SLC22A4: variants seen among roughly 807,000 people sequenced by gnomAD.
The protein encoded by SLC22A4 is ET transporter.
A neutral mutation model predicts 56.6 loss-of-function variants in SLC22A4; 39 were observed. That is an observed-to-expected ratio of 0.69 (90% confidence interval 0.53 to 0.90). The LOEUF is 0.90. Ranked by LOEUF, SLC22A4 falls within the 40% of genes least tolerant of loss-of-function variation. SLC22A4 has a pLI of 0.00. For synonymous variants in SLC22A4, 241 were observed against 281.4 expected (o/e 0.86, Z 1.44); for missense variants, 594 against 696.5 (o/e 0.85, Z 1.66).
chr5:132,319,316 AAAG>A (rs1290021157), intron 3 of SLC22A4, among the ~76,000 whole-genome samples: 5 of 145,394 alleles, frequency 3.4e-5, no homozygotes, highest in African/African-American at 5.7e-5. Context: ...AAAAAAAAAA[AAAG>A]AAAAAAAAGA....
chr5:132,312,745 C>G (rs1321153533), intron 2 of SLC22A4, among the ~76,000 whole-genome samples: 2 of 152,342 alleles, frequency 1.3e-5, no homozygotes, highest in South Asian at 4.1e-4. Flanking sequence ...GATGCTGGCT[C>G]TGACCCTCAT....
intron 1 of SLC22A4, among the ~76,000 whole-genome samples, chr5:132,310,602 AGTT>A (rs1165706752): frequency 1.3e-5 from 2 of 152,052 alleles, no homozygotes; most frequent in African/African-American, 4.8e-5. Flanking sequence ...TCCTGGCCCG[AGTT>A]GTTTTTCTTC....
chr5:132,296,722 C>G (rs113493232), intron 1 of SLC22A4, among the ~76,000 whole-genome samples: 1 of 152,220 alleles, frequency 6.6e-6, no homozygotes, highest in African/African-American at 2.4e-5. Context: ...CAGCTCATCC[C>G]GCGTCGATTC....
chr5:132,295,044 G>A, intron 1 of SLC22A4, 35 bp downstream of exon 1: 1 of 1,585,698 alleles, frequency 6.3e-7, no homozygotes, highest in African/African-American at 1.3e-5. Flanking sequence ...ACCCGGGAGT[G>A]CCTGACCCTC....
intron 5 of SLC22A4, among the ~76,000 whole-genome samples, chr5:132,331,502 G>C (rs1750858511): frequency 6.6e-6 from 1 of 152,140 alleles, no homozygotes; most frequent in Non-Finnish European, 1.5e-5. Flanking sequence ...TAGCCAACAG[G>C]CTTTGTCTAA....
In SLC22A4 at chr5:132,334,739, C is replaced by T. The variant is rs1750968915; in HGVS notation, c.1068C>T (p.Tyr356=). Residue 356 remains tyrosine, a synonymous_variant, in exon 7 of 10, where the codon TAC becomes TAT. Transcript: ENST00000200652. Reference sequence around the variant, plus strand: ...TCAGGATGCTGACCTCAGTGGGTTACTTTGCTCTGTCTCTGGATGCTCCTA... The same window carrying T: ...TCAGGATGCTGACCTCAGTGGGTTATTTTGCTCTGTCTCTGGATGCTCCTA... The part of the protein sequence containing the change: ...LLLWMLTSVG[Y]FALSLDAPNL... 2 of 1,613,726 alleles carry T rather than the reference C, an allele frequency of 1.2e-6. No individual in the cohort carries two copies. The highest frequency in any genetic ancestry group is 1.7e-6 in the Non-Finnish European group (2 of 1,179,602).
At chr5:132,316,619 C>G (rs1419375794) in intron 3 of SLC22A4, among the ~76,000 whole-genome samples, 2 of 152,318 alleles carry the variant, frequency 1.3e-5, no homozygotes, top group South Asian at 2.1e-4. Flanking sequence ...TAACATCAAC[C>G]TCCATGTGAC....
Position 132,322,324 on chromosome 5 carries a change from G to A in SLC22A4, c.793G>A (p.Val265Met). 1 of 1,613,822 alleles carries A rather than the reference G, an allele frequency of 6.2e-7. No homozygotes were observed. The highest frequency in any genetic ancestry group is 1.3e-5 in the African/African-American group (1 of 75,030). The part of the protein sequence containing the change: ...DWRMLLLALT[V>M]PGVLCVPLWW... The stretch of plus-strand genomic sequence containing the variant: ...GCGGATGCTGCTGCTGGCGCTGACG[G>A]TGCCGGGAGTGCTGTGTGTCCCGCT... The change falls in exon 4 of 10, where the codon GTG (valine) becomes ATG (methionine). Residue 265 changes from valine (V) to methionine (M), a missense_variant. Val to Met is a conservative substitution (Grantham distance 21). Transcript: ENST00000200652.
In SLC22A4 at chr5:132,313,685, C is replaced by T. The variant is rs760482890; in HGVS notation, c.569C>T (p.Ser190Phe). Residue 190 changes from serine (S) to phenylalanine (F), a missense_variant, in exon 3 of 10, where the codon TCC becomes TTC. Coordinates refer to ENST00000200652, the MANE Select transcript of SLC22A4 (RefSeq NM_003059.3). The stretch of plus-strand genomic sequence containing the variant: ...GGCTTCAGCTTCCTGCAGATTTTCT[C>T]CATCAGCTGGGAGATGTTCACTGTG... ...QTGFSFLQIF[S>F]ISWEMFTVLF... 2.5e-6 allele frequency: 4 copies of T among 1,613,942 alleles called. No homozygotes were observed. Among genetic ancestry groups the T allele is most frequent in the Non-Finnish European group, 3.4e-6 (4 of 1,179,878 alleles).
intron 3 of SLC22A4, among the ~76,000 whole-genome samples, chr5:132,319,433 C>T (rs1174656551): frequency 6.6e-6 from 1 of 152,174 alleles, no homozygotes; most frequent in Non-Finnish European, 1.5e-5. Context: ...GTCATGCCCC[C>T]AGTAATTTTT....
intron 5 of SLC22A4, among the ~76,000 whole-genome samples, chr5:132,328,838 T>TACACAC (rs200357854): frequency 2.0e-3 from 284 of 138,658 alleles, no homozygotes; most frequent in African/African-American, 7.5e-3. Flanking sequence ...TATATATATA[T>TACACAC]ACACACACAC....
chr5:132,319,768 T>C (rs940899457), intron 3 of SLC22A4, among the ~76,000 whole-genome samples: 2 of 152,164 alleles, frequency 1.3e-5, no homozygotes, highest in Non-Finnish European at 2.9e-5. Flanking sequence ...AATTTTTGTA[T>C]TCTTAGTAGA....
chr5:132,334,127 T>C (rs1238966031), intron 6 of SLC22A4, among the ~76,000 whole-genome samples: 1 of 152,138 alleles, frequency 6.6e-6, no homozygotes, highest in African/African-American at 2.4e-5. Flanking sequence ...AGCTTCTACA[T>C]GGAAGTTAAC....
intron 8 of SLC22A4, among the ~76,000 whole-genome samples, chr5:132,336,871 G>A (rs893830726): frequency 3.9e-5 from 6 of 152,128 alleles, no homozygotes; most frequent in Admixed American, 3.3e-4. Context: ...GTTTTCTAGG[G>A]ATCCTCCTGG....
In SLC22A4 at chr5:132,340,678, G is replaced by C. The variant is rs201132879; in HGVS notation, c.1558G>C (p.Glu520Gln). 161 of 1,613,968 alleles carry C rather than the reference G, an allele frequency of 1.0e-4. No homozygotes were observed. The highest frequency in any genetic ancestry group is 4.4e-5 in the South Asian group (4 of 91,088). Residue 520 changes from glutamate to glutamine, a missense_variant, in exon 9 of 10, where the codon GAG (glutamate) becomes CAG (glutamine). Transcript: ENST00000200652. ...SLGMTLPETLEQMQKVKWFRS... is the reference protein window; with the variant it reads ...SLGMTLPETLQQMQKVKWFRS... ...GGGAATGACTCTTCCAGAAACCTTA[G>C]AGCAGATGCAGAAAGTGAAATGGTA...
intron 3 of SLC22A4, among the ~76,000 whole-genome samples, chr5:132,320,480 C>T (rs962326321): frequency 1.3e-5 from 2 of 152,192 alleles, no homozygotes; most frequent in Non-Finnish European, 2.9e-5. Context: ...ACTCATGATC[C>T]TCAAAGAAGT....
chr5:132,305,494 A>G (rs1210991995), intron 1 of SLC22A4, among the ~76,000 whole-genome samples: 1 of 152,192 alleles, frequency 6.6e-6, no homozygotes, highest in African/African-American at 2.4e-5. Context: ...ATCATGGTAA[A>G]ACTGCTTAAA....
At chr5:132,296,395 T>C (rs1353468413) in intron 1 of SLC22A4, among the ~76,000 whole-genome samples, 1 of 152,224 alleles carries the variant, frequency 6.6e-6, no homozygotes, top group Non-Finnish European at 1.5e-5. Flanking sequence ...ATAGTAAGCA[T>C]TCTAAGGCCA....
At chr5:132,308,474 TA>T (rs1386157915) in intron 1 of SLC22A4, among the ~76,000 whole-genome samples, 1 of 138,470 alleles carries the variant, frequency 7.2e-6, no homozygotes, top group Non-Finnish European at 1.5e-5. Context: ...TCCTCATTTG[TA>T]AAACAAGGAT....
Sources: gnomAD v4.1 joint callset for allele counts (sites outside exome capture counted in the v4.1 genomes callset) on GRCh38, gnomAD v4.1.1 for gene constraint, MANE v1.5 for transcripts, NCBI Gene and HGNC (gene_info 2026-07-23, HGNC 2026-07-21) for gene names.